Variants in AKT3 observed in about 807,000 individuals in gnomAD.
AKT3 encodes RAC-gamma serine/threonine-protein kinase.
A neutral mutation model predicts 65.3 loss-of-function variants in AKT3; 15 were observed. That is an observed-to-expected ratio of 0.23 (90% CI 0.15 to 0.35). The LOEUF (loss-of-function observed/expected upper bound fraction) is 0.35. Among genes scored for constraint, AKT3 ranks in the 10% least tolerant of loss-of-function variants. The pLI is 1.00. For synonymous variants in AKT3, 206 were observed against 183.8 expected (o/e 1.12, Z -0.98); for missense variants, 243 against 576.5 (o/e 0.42, Z 5.92).
chr1:243,573,009 C>A lies in AKT3; in HGVS notation c.736G>T (p.Asp246Tyr), dbSNP rs2148507625. 1 of 1,613,318 alleles carries A rather than the reference C, an allele frequency of 6.2e-7. No individual in the cohort carries two copies. Among genetic ancestry groups the A allele is most frequent in the Non-Finnish European group, 8.5e-7 (1 of 1,179,624 alleles). Residue 246 changes from aspartate to tyrosine, a missense_variant, in exon 9 of 14, where the codon GAC becomes TAC. Coordinates refer to ENST00000673466, the MANE Select transcript of AKT3 (RefSeq NM_005465.7). ...TCTGCACCATAGAAACGTGTGCGGT[C>A]CTCAGAGAACACCCGCTCTCTCGAC... is the stretch of plus-strand genomic sequence containing the variant. ...HLSRERVFSEDRTRFYGAEIV... is the reference protein window; with the variant it reads ...HLSRERVFSEYRTRFYGAEIV...
At chr1:243,682,169 C>T (rs1017073034) in intron 3 of AKT3, among the ~76,000 whole-genome samples, 5 of 151,928 alleles carry the variant, frequency 3.3e-5, no homozygotes, top group Non-Finnish European at 5.9e-5. Flanking sequence ...ATAATCTATA[C>T]GTTTAATAAG....
intron 8 of AKT3, among the ~76,000 whole-genome samples, chr1:243,577,727 A>C (rs1311806202): frequency 6.6e-6 from 1 of 152,218 alleles, no homozygotes; most frequent in Non-Finnish European, 1.5e-5. Flanking sequence ...ACAGCAAAAG[A>C]AACTACCATC....
chr1:243,780,823 A>T (rs1422297185), intron 2 of AKT3, among the ~76,000 whole-genome samples: 2 of 151,928 alleles, frequency 1.3e-5, no homozygotes, highest in Non-Finnish European at 2.9e-5. Context: ...ATTTGCATTC[A>T]AATATTCCTT....
At chr1:243,614,121 T>C (rs894580260) in intron 7 of AKT3, among the ~76,000 whole-genome samples, 3 of 152,232 alleles carry the variant, frequency 2.0e-5, no homozygotes, top group Non-Finnish European at 2.9e-5. Context: ...GTAGCTACGG[T>C]TGTTACACTC....
intron 2 of AKT3, among the ~76,000 whole-genome samples, chr1:243,768,964 C>A (rs1690003237): frequency 6.6e-6 from 1 of 151,988 alleles, no homozygotes; most frequent in South Asian, 2.1e-4. Flanking sequence ...CTTTTCATCG[C>A]CCCAAATATA....
chr1:243,656,819 T>A (rs916303085), intron 4 of AKT3, among the ~76,000 whole-genome samples: 1 of 152,210 alleles, frequency 6.6e-6, no homozygotes, highest in Admixed American at 6.5e-5. Context: ...AGTAGTTAGC[T>A]GTTAAGAAAG....
chr1:243,698,987 GA>G (rs1483900532), intron 2 of AKT3, among the ~76,000 whole-genome samples: 4 of 151,514 alleles, frequency 2.6e-5, no homozygotes, highest in Admixed American at 6.6e-5. Context: ...CTAGCTGTTC[GA>G]AAAGGAACTG....
chr1:243,766,003 G>C (rs544019580), intron 2 of AKT3, among the ~76,000 whole-genome samples: 1 of 152,140 alleles, frequency 6.6e-6, no homozygotes, highest in Non-Finnish European at 1.5e-5. Context: ...TGTCCAAAGA[G>C]GTTTAAGCAT....
chr1:243,578,434 C>A (rs1675101743), intron 8 of AKT3, among the ~76,000 whole-genome samples: 2 of 152,094 alleles, frequency 1.3e-5, no homozygotes, highest in Admixed American at 6.6e-5. Context: ...AACGCAGGAA[C>A]AGAAAACCAA....
intron 8 of AKT3, among the ~76,000 whole-genome samples, chr1:243,608,112 C>G (rs544193790): frequency 1.3e-5 from 2 of 152,268 alleles, no homozygotes; most frequent in African/African-American, 4.8e-5. Flanking sequence ...GTGAACATCA[C>G]AGAGTGACTT....
intron 12 of AKT3, among the ~76,000 whole-genome samples, chr1:243,527,005 G>A (rs1671154237): frequency 6.6e-6 from 1 of 151,990 alleles, no homozygotes; most frequent in Non-Finnish European, 1.5e-5. Context: ...GAATAACACT[G>A]GAAACAGCAA....
At chr1:243,824,072 C>T (rs113833156) in intron 2 of AKT3, among the ~76,000 whole-genome samples, 7,143 of 151,978 alleles carry the variant, frequency 0.047, 571 homozygotes, top group African/African-American at 0.16. Flanking sequence ...CATAGACCAA[C>T]GGAATAAAAT....
intron 12 of AKT3, among the ~76,000 whole-genome samples, chr1:243,542,769 A>G (rs188389113): frequency 6.6e-6 from 1 of 152,350 alleles, no homozygotes; most frequent in East Asian, 1.9e-4. Flanking sequence ...TTTCATGTTC[A>G]TCTGTGATAT....
At chr1:243,693,811 T>C (rs1375478235) in intron 3 of AKT3, among the ~76,000 whole-genome samples, 3 of 152,146 alleles carry the variant, frequency 2.0e-5, no homozygotes, top group Admixed American at 2.0e-4. Flanking sequence ...TAAAAATTTA[T>C]TTAGAGTAAG....
At chr1:243,737,795 A>G (rs1225427221) in intron 2 of AKT3, among the ~76,000 whole-genome samples, 1 of 152,238 alleles carries the variant, frequency 6.6e-6, no homozygotes, top group Non-Finnish European at 1.5e-5. Flanking sequence ...AAATAAAATC[A>G]GGAGCAAAAA....
intron 5 of AKT3, among the ~76,000 whole-genome samples, chr1:243,643,202 C>T (rs796766730): frequency 1.4e-4 from 21 of 152,254 alleles, no homozygotes; most frequent in African/African-American, 5.1e-4. Flanking sequence ...TCTCTGGATA[C>T]TGGCCACTGG....
At chr1:243,688,188 T>C (rs1192354982) in intron 3 of AKT3, among the ~76,000 whole-genome samples, 1 of 152,102 alleles carries the variant, frequency 6.6e-6, no homozygotes, top group East Asian at 1.9e-4. Context: ...CTTCAAGTGA[T>C]AAAATGATTA....
intron 8 of AKT3, among the ~76,000 whole-genome samples, chr1:243,575,494 T>C (rs1437535996): frequency 2.6e-5 from 4 of 152,186 alleles, no homozygotes; most frequent in African/African-American, 4.8e-5. Flanking sequence ...CAGCATTTTG[T>C]ATATCAATCA....
At chr1:243,733,238 A>G (rs535120469) in intron 2 of AKT3, among the ~76,000 whole-genome samples, 173 of 152,348 alleles carry the variant, frequency 1.1e-3, no homozygotes, top group African/African-American at 3.7e-3. Flanking sequence ...GCAAAATTCA[A>G]ATACTTCTAT....
Sources: gnomAD v4.1 joint callset for allele counts (sites outside exome capture counted in the v4.1 genomes callset) on GRCh38, gnomAD v4.1.1 for gene constraint, MANE v1.5 for transcripts, NCBI Gene and HGNC (gene_info 2026-07-23, HGNC 2026-07-21) for gene names.